Variants in TAFA4 observed in about 807,000 individuals in gnomAD.
TAFA4 encodes the protein TAFA chemokine like family member 4, also known as chemokine-like protein TAFA-4.
A neutral mutation model predicts 21.1 loss-of-function variants in TAFA4; 20 were observed. That is an observed-to-expected ratio of 0.95 (90% confidence interval 0.67 to 1.38). The LOEUF is 1.38. Ranked by LOEUF, TAFA4 falls within the 40% of genes most tolerant of loss-of-function variation. The pLI, the probability that TAFA4 is intolerant of heterozygous loss-of-function variation, is 0.00. For synonymous variants in TAFA4, 71 were observed against 67.4 expected, an observed-to-expected ratio of 1.05 and a Z score of -0.26; for missense variants, 211 against 180.9, an observed-to-expected ratio of 1.17 and a Z score of -0.95.
At chr3:68,856,640 G>A (rs1002282301) in intron 3 of TAFA4, among the ~76,000 whole-genome samples, 1 of 152,096 alleles carries the variant, frequency 6.6e-6, no homozygotes, top group African/African-American at 2.4e-5. Context: ...GAGATAAAAA[G>A]CAGATATTAC....
intron 3 of TAFA4, among the ~76,000 whole-genome samples, chr3:68,861,432 T>A (rs2089342722): frequency 1.3e-5 from 2 of 152,096 alleles, no homozygotes; most frequent in Admixed American, 1.3e-4. Context: ...TTTTCGTTTT[T>A]TAATCTTCTT....
rs183274568 is a variant in TAFA4 at position 68,797,200 on chromosome 3, G to A, written c.131-44182C>T. On this transcript the variant is annotated intron_variant, in intron 3 of 5. Transcript: ENST00000295569. ...GACCTGAACAGATATTTGTACAGCC[G>A]TATTCATAGTGATATTATTGCAATA... 4.3e-3 allele frequency among the ~76,000 whole-genome samples: 650 copies of A among 152,230 alleles called. 3 individuals carry two copies. Among genetic ancestry groups the A allele is most frequent in the African/African-American group, 0.015 (625 of 41,552 alleles).
intron 3 of TAFA4, among the ~76,000 whole-genome samples, chr3:68,761,194 G>A (rs575476153): frequency 6.6e-6 from 1 of 152,158 alleles, no homozygotes; most frequent in Non-Finnish European, 1.5e-5. Flanking sequence ...TAAATAAAGT[G>A]CTTAAAGAAC....
intron 3 of TAFA4, among the ~76,000 whole-genome samples, chr3:68,840,615 T>C (rs1263942268): frequency 6.6e-6 from 1 of 152,198 alleles, no homozygotes; most frequent in Admixed American, 6.5e-5. Context: ...AAAACTCTTA[T>C]GTTGTTTCCT....
intron 1 of TAFA4, among the ~76,000 whole-genome samples, chr3:68,914,954 ATTCG>A (rs1312398124): frequency 6.6e-6 from 1 of 152,242 alleles, no homozygotes; most frequent in Non-Finnish European, 1.5e-5. Context: ...GTCATGCAAC[ATTCG>A]TTTACATACC....
intron 3 of TAFA4, among the ~76,000 whole-genome samples, chr3:68,806,993 TG>T (rs1251711587): frequency 6.6e-6 from 1 of 152,170 alleles, no homozygotes; most frequent in Non-Finnish European, 1.5e-5. Context: ...AATAGGAGAA[TG>T]AACCAAATGA....
Position 68,804,470 on chromosome 3 carries a change from A to C in TAFA4, c.131-51452T>G, listed in dbSNP as rs1703644871. On this transcript the variant is annotated intron_variant, in intron 3 of 5. Transcript: ENST00000295569. ...ACTACTTTAAAGTTCATATAGAACC[A>C]AAAAAGAGCCCACACTGCCAAGTCA... Among the ~76,000 whole-genome samples the C allele has an allele frequency of 5.3e-5, 8 of 152,194 alleles. No homozygotes were observed. In the South Asian group the frequency reaches 1.7e-3, roughly 32 times the overall value.
chr3:68,920,639 A>G (rs1023461260), intron 1 of TAFA4, among the ~76,000 whole-genome samples: 1 of 130,236 alleles, frequency 7.7e-6, no homozygotes, highest in East Asian at 2.2e-4. Context: ...TTTTTCTCTA[A>G]TTTTTTTTTT....
intron 3 of TAFA4, among the ~76,000 whole-genome samples, chr3:68,874,727 A>C (rs1389838328): frequency 2.0e-5 from 3 of 152,100 alleles, no homozygotes; most frequent in Admixed American, 1.3e-4. Context: ...GATGGCTCAC[A>C]AGCTCATTTG....
At chr3:68,848,582 C>T (rs749372465) in intron 3 of TAFA4, among the ~76,000 whole-genome samples, 2 of 152,142 alleles carry the variant, frequency 1.3e-5, no homozygotes, top group Admixed American at 1.3e-4. Context: ...GGCAATGATA[C>T]CATGCACTTG....
chr3:68,930,459 T>A (rs529295014), intron 1 of TAFA4, among the ~76,000 whole-genome samples: 1 of 152,302 alleles, frequency 6.6e-6, no homozygotes, highest in Non-Finnish European at 1.5e-5. Flanking sequence ...AGCCTTATAA[T>A]AAATTTTAAA....
intron 3 of TAFA4, among the ~76,000 whole-genome samples, chr3:68,868,010 G>C (rs904646219): frequency 1.3e-5 from 2 of 152,012 alleles, no homozygotes; most frequent in Non-Finnish European, 2.9e-5. Context: ...TAACAACCTT[G>C]AATGTAAATT....
chr3:68,797,470 G>T (rs376785022), intron 3 of TAFA4, among the ~76,000 whole-genome samples: 1 of 151,832 alleles, frequency 6.6e-6, no homozygotes, highest in Non-Finnish European at 1.5e-5. Context: ...AAAATTAGCC[G>T]GGCATGGTGG....
chr3:68,764,912 C>CA (rs1702820274), intron 3 of TAFA4, among the ~76,000 whole-genome samples: 1 of 152,188 alleles, frequency 6.6e-6, no homozygotes, highest in African/African-American at 2.4e-5. Context: ...CACTGCCCTT[C>CA]ACTGACATCC....
chr3:68,785,459 C>T (rs2106804013), intron 3 of TAFA4, among the ~76,000 whole-genome samples: 1 of 152,340 alleles, frequency 6.6e-6, no homozygotes, highest in African/African-American at 2.4e-5. Context: ...AAGCCCTGCC[C>T]CGCGCGGGAA....
chr3:68,908,138 C>T (rs1183366973), intron 1 of TAFA4, among the ~76,000 whole-genome samples: 1 of 152,062 alleles, frequency 6.6e-6, no homozygotes, highest in Non-Finnish European at 1.5e-5. Flanking sequence ...GTAGGCTGGA[C>T]GTAATGAAAA....
intron 1 of TAFA4, among the ~76,000 whole-genome samples, chr3:68,918,085 T>C (rs1436320983): frequency 6.6e-6 from 1 of 151,946 alleles, no homozygotes; most frequent in African/African-American, 2.4e-5. Flanking sequence ...TTTTCTCTCA[T>C]GAGACAACAT....
intron 1 of TAFA4, among the ~76,000 whole-genome samples, chr3:68,916,660 TA>T (rs1393779729): frequency 3.9e-5 from 6 of 152,228 alleles, no homozygotes; most frequent in African/African-American, 1.4e-4. Context: ...AAATTAAGCC[TA>T]GTGGTAGAAC....
intron 3 of TAFA4, among the ~76,000 whole-genome samples, chr3:68,803,833 CT>C (rs1197585723): frequency 3.9e-5 from 4 of 103,520 alleles, no homozygotes; most frequent in African/African-American, 1.5e-4. Context: ...GAGACAGAGT[CT>C]TGCTCTGTCA....
Sources: gnomAD v4.1 joint callset for allele counts (sites outside exome capture counted in the v4.1 genomes callset) on GRCh38, gnomAD v4.1.1 for gene constraint, MANE v1.5 for transcripts, NCBI Gene and HGNC (gene_info 2026-07-23, HGNC 2026-07-21) for gene names.